Variants in DCP1B observed in about 807,000 individuals in gnomAD.
DCP1B encodes mRNA-decapping enzyme 1B.
A neutral mutation model predicts 60.5 loss-of-function variants in DCP1B; 47 were observed. The observed-to-expected ratio is 0.78, with a 90% CI of 0.61 to 0.99. The LOEUF is 0.99. DCP1B is among the 50% of genes least tolerant of loss of function. The pLI is 0.00. For missense variants in DCP1B, 725 were observed against 756.8 expected (o/e 0.96, Z 0.49); for synonymous variants, 267 against 280.3 (o/e 0.95, Z 0.47).
chr12:1,941,671 T>G (rs2030282217), downstream of DCP1B, among the ~76,000 whole-genome samples: 1 of 152,234 alleles, frequency 6.6e-6, no homozygotes, highest in Non-Finnish European at 1.5e-5. Flanking sequence ...GGATGGGGTT[T>G]TTGCGTGGAC....
intron 3 of DCP1B, among the ~76,000 whole-genome samples, chr12:1,981,345 A>G (rs112282192): frequency 0.027 from 4,143 of 152,344 alleles, 94 homozygotes; most frequent in Middle Eastern, 0.054. Flanking sequence ...AGCTTTGAAT[A>G]AAGAAATCCA....
At chr12:1,953,823 C>G (rs1177128214) in intron 6 of DCP1B, among the ~76,000 whole-genome samples, 2 of 152,198 alleles carry the variant, frequency 1.3e-5, no homozygotes, top group African/African-American at 4.8e-5. Context: ...TCTACCTTGG[C>G]CCAGCCAGTT....
intron 3 of DCP1B, chr12:1,970,829 GA>G: frequency 3.5e-6 from 1 of 288,598 alleles, no homozygotes; most frequent in Non-Finnish European, 6.8e-6. Context: ...ATACAAGGTT[GA>G]AAAGAATCAA....
At chr12:1,964,079 A>G (rs2031214745) in intron 5 of DCP1B, among the ~76,000 whole-genome samples, 1 of 152,160 alleles carries the variant, frequency 6.6e-6, no homozygotes, top group South Asian at 2.1e-4. Context: ...ACAAACAATA[A>G]AACCAATGAA....
Position 1,985,958 on chromosome 12 carries a change from C to A in DCP1B, c.319+7306G>T, listed in dbSNP as rs566419522. On this transcript the variant is annotated intron_variant, in intron 3 of 8. Transcript: ENST00000280665. ...CCCAAGTAGCTGGGACTGCAGGTGC[C>A]TGCCACCACACTTGGCTAATTTTGT... is the stretch of plus-strand genomic sequence containing the variant. Among the ~76,000 whole-genome samples the A allele has an allele frequency of 8.1e-4, 124 of 152,242 alleles. No individual in the cohort carries two copies. The South Asian group carries it at 8.3e-3, about 10-fold the overall frequency.
chr12:2,000,041 T>C (rs2041834278), intron 1 of DCP1B, among the ~76,000 whole-genome samples: 1 of 152,180 alleles, frequency 6.6e-6, no homozygotes, highest in African/African-American at 2.4e-5. Context: ...GCACTAAGAA[T>C]TACTTACACC....
At chr12:1,947,174 G>C (rs867503040) in intron 8 of DCP1B, among the ~76,000 whole-genome samples, 8 of 152,194 alleles carry the variant, frequency 5.3e-5, no homozygotes, top group African/African-American at 1.7e-4. Flanking sequence ...GGGCTCTTTT[G>C]CCTGGCTAAG....
chr12:1,973,969 C>T (rs1346813195), intron 3 of DCP1B, among the ~76,000 whole-genome samples: 1 of 152,120 alleles, frequency 6.6e-6, no homozygotes, highest in Non-Finnish European at 1.5e-5. Flanking sequence ...ACAGTCCCAA[C>T]TTTTTCTTTG....
chr12:2,000,714 T>C (rs2041993739), intron 1 of DCP1B, among the ~76,000 whole-genome samples: 2 of 152,158 alleles, frequency 1.3e-5, no homozygotes, highest in African/African-American at 2.4e-5. Flanking sequence ...AATTAGTTTA[T>C]TATTATATGT....
intron 3 of DCP1B, among the ~76,000 whole-genome samples, chr12:1,983,683 G>T (rs1461417646): frequency 6.6e-6 from 1 of 152,024 alleles, no homozygotes; most frequent in Non-Finnish European, 1.5e-5. Context: ...CACTTGAGAA[G>T]AACGTCCATT....
At chr12:1,956,175 T>A (rs373224805) in intron 5 of DCP1B, among the ~76,000 whole-genome samples, 4 of 152,334 alleles carry the variant, frequency 2.6e-5, no homozygotes, top group East Asian at 3.9e-4. Context: ...AAGAGACAAA[T>A]CTCATCATTT....
intron 3 of DCP1B, 49 bp from the exon 4 acceptor site, chr12:1,967,959 A>C (rs879145647): frequency 6.9e-7 from 1 of 1,457,714 alleles, no homozygotes; most frequent in South Asian, 1.2e-5. Flanking sequence ...CAAAACTACA[A>C]AATAGAAAAA....
In DCP1B at chr12:1,947,498, G is replaced by C. The variant is rs950362442; in HGVS notation, c.1774-1212C>G. ...TGTGGTACACGGGAAGAAGTAAAAT[G>C]CACGCAGAGTGGAGGGCAGGGGAAT... On this transcript the variant is annotated intron_variant, in intron 8 of 8. Coordinates refer to ENST00000280665, the MANE Select transcript of DCP1B (RefSeq NM_152640.5). Among the ~76,000 whole-genome samples the C allele has an allele frequency of 2.0e-5, 3 of 152,312 alleles. No individual in the cohort carries two copies. The South Asian group carries it at 6.2e-4, about 32-fold the overall frequency.
intron 1 of DCP1B, among the ~76,000 whole-genome samples, chr12:1,998,717 T>A (rs1461370043): frequency 2.0e-5 from 3 of 152,216 alleles, no homozygotes; most frequent in Non-Finnish European, 4.4e-5. Flanking sequence ...GCCATTATAA[T>A]ATTCATCCAT....
chr12:1,982,542 T>TATA (rs1555204819), intron 3 of DCP1B, among the ~76,000 whole-genome samples: 26 of 151,880 alleles, frequency 1.7e-4, no homozygotes, highest in African/African-American at 5.8e-4. Flanking sequence ...GTACTATATA[T>TATA]ATAATTTTAT....
intron 5 of DCP1B, among the ~76,000 whole-genome samples, chr12:1,964,307 G>T (rs2031223611): frequency 6.6e-6 from 1 of 151,652 alleles, no homozygotes; most frequent in African/African-American, 2.4e-5. Context: ...TGTTAATCTT[G>T]TACTTCTTAA....
intron 3 of DCP1B, among the ~76,000 whole-genome samples, chr12:1,989,402 A>G (rs1412850519): frequency 6.6e-6 from 1 of 152,002 alleles, no homozygotes; most frequent in Non-Finnish European, 1.5e-5. Flanking sequence ...GAAAGAGGAA[A>G]GAAAAGGGAA....
chr12:1,963,021 C>A (rs2031177178), intron 5 of DCP1B, among the ~76,000 whole-genome samples: 1 of 152,210 alleles, frequency 6.6e-6, no homozygotes, highest in South Asian at 2.1e-4. Context: ...TCACTCCCCA[C>A]CCACTTTCAC....
chr12:1,943,968 T>C (rs12316157), downstream of DCP1B, among the ~76,000 whole-genome samples: 4,077 of 152,018 alleles, frequency 0.027, 180 homozygotes, highest in African/African-American at 0.093. Context: ...AGAAATAATA[T>C]TCAAATAGGA....
Sources: gnomAD v4.1 joint callset for allele counts (sites outside exome capture counted in the v4.1 genomes callset) on GRCh38, gnomAD v4.1.1 for gene constraint, MANE v1.5 for transcripts, NCBI Gene and HGNC (gene_info 2026-07-23, HGNC 2026-07-21) for gene names.